TP53BP1: variants seen among roughly 807,000 people sequenced by gnomAD.
TP53BP1 encodes the protein tumor protein p53 binding protein 1, also known as TP53-binding protein 1.
A neutral mutation model predicts 200.8 loss-of-function variants in TP53BP1; 61 were observed. That is an observed-to-expected ratio of 0.30 (90% CI 0.25 to 0.38). TP53BP1 has a LOEUF of 0.38. Ranked by LOEUF, TP53BP1 falls within the 10% of genes least tolerant of loss-of-function variation. TP53BP1 has a pLI of 1.00. For synonymous variants in TP53BP1, 822 were observed against 844.3 expected, an observed-to-expected ratio of 0.97 and a Z score of 0.46; for missense variants, 2,144 against 2,371.9, an observed-to-expected ratio of 0.90 and a Z score of 2.00.
In TP53BP1 at chr15:43,456,181, G is replaced by A; in HGVS notation, c.2427C>T (p.Thr809=). The change falls in exon 12 of 28, where the codon ACC becomes ACT. Residue 809 remains threonine (T), a synonymous_variant. Coordinates refer to ENST00000382044, the MANE Select transcript of TP53BP1 (RefSeq NM_001141980.3). ...IEPCAENRLD[T]KEEKSVEYEG... Reference sequence around the variant, plus strand: ...CATATTCTACACTCTTTTCTTCCTTGGTGTCTAATCTATTCTCAGCACATG... The same window carrying A: ...CATATTCTACACTCTTTTCTTCCTTAGTGTCTAATCTATTCTCAGCACATG... 1 of 1,614,046 alleles carries A rather than the reference G, an allele frequency of 6.2e-7. No individual in the cohort carries two copies. Among genetic ancestry groups the A allele is most frequent in the Non-Finnish European group, 8.5e-7 (1 of 1,180,034 alleles).
chr15:43,447,488 GAAAAAAAA>G lies in TP53BP1; in HGVS notation c.2717-11_2717-4del. ...CAAAGTGAAATGAAATGGGGTTTCT[GAAAAAAAA>G]AAAAAAAAGAAAAAAGAAAGAAAGA... On this transcript the variant is annotated splice_region_variant and splice_polypyrimidine_tract_variant and intron_variant, in intron 12 of 27. Transcript: ENST00000382044. 1 of 954,470 alleles carries G rather than the reference GAAAAAAAA, an allele frequency of 1.0e-6. No homozygotes were observed. Among genetic ancestry groups the G allele is most frequent in the Non-Finnish European group, 1.3e-6 (1 of 744,336 alleles). The allele number at this position is 954,470 out of a possible 1,614,324, so 59.1% of individuals were successfully genotyped here.
At chr15:43,490,689 G>C (rs2079109704) in intron 4 of TP53BP1, among the ~76,000 whole-genome samples, 1 of 152,166 alleles carries the variant, frequency 6.6e-6, no homozygotes, top group Non-Finnish European at 1.5e-5. Context: ...GCACTGATTA[G>C]TTAGAATGAA....
At position 43,405,340 on chromosome 15, in the gene TP53BP1, C is replaced by G; in HGVS notation, c.*2043G>C. 9.3e-7 allele frequency: 1 copy of G among 1,070,932 alleles called. No homozygotes were observed. The highest frequency in any genetic ancestry group is 1.4e-5 in the South Asian group (1 of 71,706). The allele number at this position is 1,070,932 out of a possible 1,614,324, so 66.3% of individuals were successfully genotyped here. Reference sequence around the variant, plus strand: ...GCTTAGTGATAGGACTCTACCTTTTCTCCTAGAAGCAGTTACTGAACATCC... The same window carrying G: ...GCTTAGTGATAGGACTCTACCTTTTGTCCTAGAAGCAGTTACTGAACATCC... On this transcript the variant is annotated 3_prime_UTR_variant, in exon 28 of 28. Transcript: ENST00000382044.
intron 18 of TP53BP1, among the ~76,000 whole-genome samples, chr15:43,422,769 G>A (rs113160188): frequency 1.3e-5 from 2 of 152,128 alleles, no homozygotes; most frequent in African/African-American, 4.8e-5. Context: ...CAAGGCAGAA[G>A]GACTGCTTGA....
rs2045174583 is a variant in TP53BP1 at position 43,413,273 on chromosome 15, G to A, written c.5151C>T (p.Pro1717=). ...GCCCTCTCTGCTCTTCCAGGGCAGA[G>A]GGTTCACCGGTGTTGTCTCCACTCT... ...PCESGDNTGE[P]SALEEQRGPL... The change falls in exon 24 of 28, where the codon CCC becomes CCT. Residue 1717 remains proline (P), a synonymous_variant. Transcript: ENST00000382044. The A allele has an allele frequency of 6.2e-7, 1 of 1,614,176 alleles. No homozygotes were observed. The highest frequency in any genetic ancestry group is 8.5e-7 in the Non-Finnish European group (1 of 1,180,038).
intron 16 of TP53BP1, among the ~76,000 whole-genome samples, chr15:43,436,966 A>G (rs2143000496): frequency 6.6e-6 from 1 of 151,766 alleles, no homozygotes; most frequent in African/African-American, 2.4e-5. Context: ...GTCTGAGACC[A>G]GCCTGGGCAA....
intron 14 of TP53BP1, among the ~76,000 whole-genome samples, chr15:43,444,722 T>C (rs1291341246): frequency 6.6e-6 from 1 of 152,170 alleles, no homozygotes; most frequent in African/African-American, 2.4e-5. Flanking sequence ...GAGCTAAAAA[T>C]GTATTAGCTA....
At chr15:43,430,273 T>A (rs1162561031) in intron 17 of TP53BP1, among the ~76,000 whole-genome samples, 2 of 152,180 alleles carry the variant, frequency 1.3e-5, no homozygotes, top group Non-Finnish European at 2.9e-5. Flanking sequence ...CTATGTCCTA[T>A]CTACACTGAA....
intron 23 of TP53BP1, chr15:43,415,321 A>G: frequency 4.2e-6 from 2 of 478,798 alleles, no homozygotes; most frequent in Non-Finnish European, 7.7e-6. Flanking sequence ...CGATTCTCCC[A>G]CCTCAGCCTC....
At chr15:43,465,023 T>C (rs1315834941) in intron 11 of TP53BP1, among the ~76,000 whole-genome samples, 1 of 152,028 alleles carries the variant, frequency 6.6e-6, no homozygotes, top group African/African-American at 2.4e-5. Context: ...ATCTGATACA[T>C]GCTACAACAC....
chr15:43,414,222 A>C, intron 23 of TP53BP1: 1 of 418,854 alleles, frequency 2.4e-6, no homozygotes, highest in Non-Finnish European at 4.9e-6. Flanking sequence ...ATCCTGGCTT[A>C]CTTTGTCATC....
rs959905249 is a variant in TP53BP1 at position 43,480,080 on chromosome 15, T to A, written c.500-63A>T. On this transcript the variant is annotated intron_variant, in intron 5 of 27. Transcript: ENST00000382044. ...CAACATTATGCAATGTACAAGCTGC[T>A]GTCCTCAGCAAAGGAGGGTCCCGTT... 1.0e-5 allele frequency: 15 copies of A among 1,499,448 alleles called. No homozygotes were observed. The South Asian group carries it at 1.8e-4, about 18-fold the overall frequency. 92.9% of individuals were successfully genotyped at this position (1,499,448 alleles called of 1,614,324 possible).
At chr15:43,508,411 C>A (rs973921082) in intron 1 of TP53BP1, among the ~76,000 whole-genome samples, 3 of 152,066 alleles carry the variant, frequency 2.0e-5, no homozygotes, top group Admixed American at 1.3e-4. Flanking sequence ...TAATCCCAGT[C>A]CTTTGGGAGG....
rs776351312 is a variant in TP53BP1 at position 43,409,712 on chromosome 15, G to T, written c.5335C>A (p.Gln1779Lys). The T allele has an allele frequency of 1.3e-6, 2 of 1,560,708 alleles. No individual in the cohort carries two copies. The highest frequency in any genetic ancestry group is 2.3e-5 in the East Asian group (1 of 43,484). ...EFLEIPPFNK[Q>K]YTESQLRAGA... ...GCTCGAAGCTGGGATTCTGTATACTGCTTGTTGAAAGGAGGAATTTCCAAA... is the reference window on the plus strand; with the variant it reads ...GCTCGAAGCTGGGATTCTGTATACTTCTTGTTGAAAGGAGGAATTTCCAAA... Residue 1779 changes from glutamine (Q) to lysine (K), a missense_variant, in exon 25 of 28, where the codon CAG (glutamine) becomes AAG (lysine). By Grantham distance (53) the Gln-to-Lys change is moderately conservative (BLOSUM62 1). Around this residue, in one of 4 missense-constraint regions of TP53BP1, gnomAD observed 334 missense variants for 453.4 expected, o/e 0.74. Transcript: ENST00000382044.
chr15:43,491,711 C>T lies in TP53BP1; in HGVS notation c.329G>A (p.Ser110Asn), dbSNP rs1194581548. Residue 110 changes from serine (S) to asparagine (N), a missense_variant, in exon 4 of 28, where the codon AGT becomes AAT. This residue lies in a region of TP53BP1 where 1,700 missense variants were observed against 1,710.3 expected (regional missense o/e 0.99). Coordinates refer to ENST00000382044, the MANE Select transcript of TP53BP1 (RefSeq NM_001141980.3). ...SSNLDTCGSI[S>N]QVIEQLPQPN... is the part of the protein sequence containing the mutation. Reference sequence around the variant, plus strand: ...CTGAGGTAACTGCTCAATGACCTGACTGATGGAACCACATGTGTCCAAGTT... The same window carrying T: ...CTGAGGTAACTGCTCAATGACCTGATTGATGGAACCACATGTGTCCAAGTT... 66 of 1,614,006 alleles carry T rather than the reference C, an allele frequency of 4.1e-5. No homozygotes were observed. The highest frequency in any genetic ancestry group is 5.4e-5 in the Non-Finnish European group (64 of 1,180,022).
At chr15:43,413,713 A>T (rs1041084718) in intron 23 of TP53BP1, among the ~76,000 whole-genome samples, 2 of 152,128 alleles carry the variant, frequency 1.3e-5, no homozygotes, top group African/African-American at 4.8e-5. Flanking sequence ...AATGTTTGGA[A>T]ATCTTCAGCC....
intron 24 of TP53BP1, 29 bp downstream of exon 24, chr15:43,413,090 A>G: frequency 6.2e-7 from 1 of 1,609,166 alleles, no homozygotes; most frequent in Non-Finnish European, 8.5e-7. Flanking sequence ...CCTATGTGTC[A>G]GAGCTCCCAG....
At chr15:43,418,171 C>T (rs1414639613) in intron 21 of TP53BP1, among the ~76,000 whole-genome samples, 5 of 120,260 alleles carry the variant, frequency 4.2e-5, no homozygotes, top group Non-Finnish European at 8.3e-5. Flanking sequence ...CAGAGCAAGG[C>T]TCTGTTTTTA....
At chr15:43,507,427 G>C (rs1447586506) in intron 1 of TP53BP1, among the ~76,000 whole-genome samples, 4 of 152,122 alleles carry the variant, frequency 2.6e-5, no homozygotes, top group African/African-American at 7.2e-5. Flanking sequence ...GAGCCACTGC[G>C]CCCAGCTAGT....
Sources: allele counts gnomAD v4.1 joint callset (sites outside exome capture counted in the v4.1 genomes callset), GRCh38; gene constraint gnomAD v4.1.1; regional missense constraint gnomAD v4.1.1; transcripts MANE v1.5; gene names NCBI Gene and HGNC (gene_info 2026-07-23, HGNC 2026-07-21).